The following HDDC2 variants were observed in gnomAD, a reference collection of about 807,000 sequenced individuals.
The protein encoded by HDDC2 is 5'-deoxynucleotidase HDDC2.
In HDDC2, 25 loss-of-function variants were observed where a neutral mutation model predicts 25.5. The observed-to-expected ratio is 0.98, with a 90% confidence interval of 0.72 to 1.37. The LOEUF is 1.37. HDDC2 is among the 40% of genes most tolerant of loss of function. The pLI is 0.00. For missense variants in HDDC2, 264 were observed against 253.1 expected (o/e 1.04, Z -0.29); for synonymous variants, 106 against 89.7 (o/e 1.18, Z -1.03).
chr6:125,277,409 C>A, intron 4 of HDDC2, 169 bp from the exon 5 acceptor site: 2 of 608,038 alleles, frequency 3.3e-6, no homozygotes, highest in Non-Finnish European at 5.7e-6. Flanking sequence ...TGTAATTTCA[C>A]AGCCTAACAC....
At chr6:125,286,559 A>T (rs1798539216) in intron 4 of HDDC2, among the ~76,000 whole-genome samples, 1 of 152,220 alleles carries the variant, frequency 6.6e-6, no homozygotes. Flanking sequence ...CACAATAGAG[A>T]AGTGGTTAAG....
chr6:125,286,477 G>T (rs6904433), intron 4 of HDDC2, among the ~76,000 whole-genome samples: 1 of 152,160 alleles, frequency 6.6e-6, no homozygotes, highest in East Asian at 1.9e-4. Flanking sequence ...AGTATTTATA[G>T]AACTTTCTAA....
intron 5 of HDDC2, chr6:125,276,512 C>G (rs1274232584): frequency 4.6e-6 from 2 of 434,762 alleles, no homozygotes; most frequent in Admixed American, 4.0e-5. Context: ...GAAACTTCAC[C>G]AGGCTCCTCA....
At chr6:125,284,780 G>A (rs1213714397) in intron 4 of HDDC2, among the ~76,000 whole-genome samples, 1 of 152,178 alleles carries the variant, frequency 6.6e-6, no homozygotes, top group African/African-American at 2.4e-5. Flanking sequence ...TCTAGAACTA[G>A]AAATACCATT....
intron 4 of HDDC2, among the ~76,000 whole-genome samples, chr6:125,287,178 A>G (rs540821287): frequency 3.9e-5 from 6 of 152,346 alleles, no homozygotes; most frequent in African/African-American, 1.4e-4. Flanking sequence ...GGAGGGGCAG[A>G]CCGTAGATTA....
At chr6:125,300,485 G>A (rs1228774577) in intron 2 of HDDC2, 53 bp downstream of exon 2, 4 of 1,580,196 alleles carry the variant, frequency 2.5e-6, no homozygotes, top group East Asian at 4.5e-5. Context: ...AAAAACGGGT[G>A]CACACCCATA....
At chr6:125,279,783 A>G (rs1404499369) in intron 4 of HDDC2, among the ~76,000 whole-genome samples, 2 of 152,224 alleles carry the variant, frequency 1.3e-5, no homozygotes, top group African/African-American at 4.8e-5. Flanking sequence ...CTATACAGCT[A>G]TCCCATAAGA....
chr6:125,300,383 T>C (rs1798776875), intron 2 of HDDC2, 155 bp downstream of exon 2: 4 of 876,168 alleles, frequency 4.6e-6, no homozygotes, highest in Non-Finnish European at 6.7e-6. Context: ...TGAGGCAACA[T>C]AACCCACATC....
chr6:125,296,587 A>T (rs181266371), intron 3 of HDDC2, among the ~76,000 whole-genome samples: 330 of 152,336 alleles, frequency 2.2e-3, no homozygotes, highest in Non-Finnish European at 3.7e-3. Flanking sequence ...AGGAAGAGGC[A>T]ATAGAACATC....
intron 3 of HDDC2, among the ~76,000 whole-genome samples, chr6:125,295,626 A>G (rs2115115942): frequency 6.6e-6 from 1 of 152,120 alleles, no homozygotes; most frequent in East Asian, 1.9e-4. Context: ...CATAATAAGC[A>G]CTCTATAAAT....
intron 4 of HDDC2, among the ~76,000 whole-genome samples, chr6:125,284,273 A>T (rs553881357): frequency 2.0e-5 from 3 of 152,336 alleles, no homozygotes; most frequent in Admixed American, 2.0e-4. Flanking sequence ...CATGACTAAA[A>T]TACCAAAAGC....
Position 125,292,848 on chromosome 6 carries a change from AGT to A in HDDC2, c.369_370del (p.Glu123AspfsTer10). The A allele has an allele frequency of 3.1e-6, 5 of 1,611,886 alleles. No homozygotes were observed. The highest frequency in any genetic ancestry group is 4.2e-6 in the Non-Finnish European group (5 of 1,178,560). On this transcript the variant is annotated frameshift_variant, in exon 4 of 6. Transcript: ENST00000398153. LOFTEE classifies it high-confidence loss of function. ...CGTACCATATATACTTACTTCCCAA[AGT>A]TCATAGAGCTCCTTTCTGAGGTCCT...
chr6:125,286,873 TA>T (rs1262352042), intron 4 of HDDC2, among the ~76,000 whole-genome samples: 1 of 152,040 alleles, frequency 6.6e-6, no homozygotes, highest in African/African-American at 2.4e-5. Context: ...AAAACAAAAA[TA>T]AAATATTAGA....
chr6:125,276,682 G>A (rs1011924090), intron 5 of HDDC2: 4 of 236,606 alleles, frequency 1.7e-5, no homozygotes, highest in Non-Finnish European at 3.3e-5. Context: ...GGCTCATGAT[G>A]TAAACAAGGA....
chr6:125,295,108 G>A (rs1358397179), intron 3 of HDDC2, among the ~76,000 whole-genome samples: 2 of 152,162 alleles, frequency 1.3e-5, no homozygotes, highest in Non-Finnish European at 2.9e-5. Flanking sequence ...CATGGCTGAG[G>A]TCCAGGGTAC....
At position 125,281,868 on chromosome 6, in the gene HDDC2, C is replaced by T. The variant is rs147892646; in HGVS notation, c.379-4628G>A. Among the ~76,000 whole-genome samples the T allele has an allele frequency of 6.0e-3, 912 of 152,204 alleles. 12 individuals carry two copies. The highest frequency in any genetic ancestry group is 0.021 in the African/African-American group (854 of 41,526). ...CAGAGAACACCACAAAAATACTCCTCAAGAAGAGCAACCCCAAGACACATA... is the reference window on the plus strand; with the variant it reads ...CAGAGAACACCACAAAAATACTCCTTAAGAAGAGCAACCCCAAGACACATA... On this transcript the variant is annotated intron_variant, in intron 4 of 5. Transcript: ENST00000398153.
chr6:125,288,022 G>C (rs1387252078), intron 4 of HDDC2, among the ~76,000 whole-genome samples: 1 of 152,198 alleles, frequency 6.6e-6, no homozygotes, highest in African/African-American at 2.4e-5. Flanking sequence ...TAGAGTTGGG[G>C]AGTGCAGCGA....
At chr6:125,276,924 C>A in intron 5 of HDDC2, 178 bp downstream of exon 5, 1 of 618,504 alleles carries the variant, frequency 1.6e-6, no homozygotes, top group Non-Finnish European at 2.8e-6. Context: ...AAACTCTATT[C>A]CATTTATTTC....
intron 4 of HDDC2, among the ~76,000 whole-genome samples, chr6:125,292,630 G>A (rs1301934219): frequency 1.3e-5 from 2 of 152,126 alleles, no homozygotes; most frequent in Non-Finnish European, 2.9e-5. Flanking sequence ...CAGGAGTTGG[G>A]GTGGCGAGGG....
Sources: gnomAD v4.1 joint callset for allele counts (sites outside exome capture counted in the v4.1 genomes callset) on GRCh38, gnomAD v4.1.1 for gene constraint, MANE v1.5 for transcripts, NCBI Gene and HGNC (gene_info 2026-07-23, HGNC 2026-07-21) for gene names.